SYT7: variants seen among roughly 807,000 people sequenced by gnomAD.
SYT7 encodes synaptotagmin 7.
A neutral mutation model predicts 75.1 loss-of-function variants in SYT7; 29 were observed. That is an observed-to-expected ratio of 0.39 (90% CI 0.29 to 0.53). The LOEUF (loss-of-function observed/expected upper bound fraction) is 0.53, where lower values mean the gene tolerates loss of function less well. SYT7 is among the 20% of genes least tolerant of loss of function. The pLI is 0.77. For synonymous variants in SYT7, 376 were observed against 401.7 expected, an observed-to-expected ratio of 0.94 and a Z score of 0.76; for missense variants, 693 against 953.2, an observed-to-expected ratio of 0.73 and a Z score of 3.59.
upstream of SYT7, among the ~76,000 whole-genome samples, chr11:61,584,404 A>AG (rs2064343374): frequency 6.6e-6 from 1 of 151,594 alleles, no homozygotes; most frequent in Non-Finnish European, 1.5e-5. Context: ...CAAAAAAAAA[A>AG]AAAGGAAAAA....
At position 61,568,413 on chromosome 11, in the gene SYT7, A is replaced by G. The variant is rs2063832953; in HGVS notation, c.32-12206T>C. Among the ~76,000 whole-genome samples, 4 of 152,360 alleles carry G rather than the reference A, an allele frequency of 2.6e-5. No homozygotes were observed. In the South Asian group the frequency reaches 8.3e-4, roughly 32 times the overall value. ...ACAGTAGACATAGCTGGTATGTATC[A>G]TTTATTGAGCACTTACTGTATGCCA... On this transcript the variant is annotated intron_variant, in intron 1 of 12. Coordinates refer to ENST00000539008, the MANE Select transcript of SYT7 (RefSeq NM_001365809.2).
intron 6 of SYT7, 80 bp from the exon 7 acceptor site, chr11:61,538,346 G>GGAGAGAGAGGGAGA: frequency 1.0e-5 from 2 of 198,066 alleles, no homozygotes; most frequent in East Asian, 9.4e-5. Flanking sequence ...GGAGAGAGAG[G>GGAGAGAGAGGGAGA]GAGAGAGAGA....
At position 61,542,099 on chromosome 11, in the gene SYT7, A is replaced by G; in HGVS notation, c.941+112T>C. 7.2e-7 allele frequency: 1 copy of G among 1,384,772 alleles called. No individual in the cohort carries two copies. The highest frequency in any genetic ancestry group is 9.5e-7 in the Non-Finnish European group (1 of 1,052,776). 85.8% of individuals were successfully genotyped at this position (1,384,772 alleles called of 1,614,324 possible). On this transcript the variant is annotated intron_variant, in intron 6 of 12. Coordinates refer to ENST00000539008, the MANE Select transcript of SYT7 (RefSeq NM_001365809.2). This position sits in a 1 kb window ranked among gnomAD's most constrained non-coding sequence, Gnocchi z 7.8. ...TGCCAAGTCTGCTTGGCACCCTGCC[A>G]AGGGGATGGAGGGCCGGGAGGTACA...
Position 61,556,107 on chromosome 11 carries a change from T to G in SYT7, c.132A>C (p.Lys44Asn). 1 of 1,613,502 alleles carries G rather than the reference T, an allele frequency of 6.2e-7. No homozygotes were observed. Among genetic ancestry groups the G allele is most frequent in the Non-Finnish European group, 8.5e-7 (1 of 1,179,744 alleles). Residue 44 changes from lysine (K) to asparagine (N), a missense_variant, in exon 2 of 13, where the codon AAA becomes AAC. By Grantham distance (94) the Lys-to-Asn change is moderately conservative (BLOSUM62 0). This residue lies in a region of SYT7 where 487 missense variants were observed against 593.2 expected (regional missense o/e 0.82). Coordinates refer to ENST00000539008, the MANE Select transcript of SYT7 (RefSeq NM_001365809.2). ...AAGGGGCCCTCAGGAGCCTCACCAG[T>G]TTGCGCTGACACCAGTGGCAGAGGC... ...LCGLCHWCQR[K>N]LGKRYKNSLE...
At position 61,523,727 on chromosome 11, in the gene SYT7, G is replaced by T; in HGVS notation, c.1756+100C>A. The T allele has an allele frequency of 8.0e-7, 1 of 1,247,936 alleles. No homozygotes were observed. The highest frequency in any genetic ancestry group is 1.1e-6 in the Non-Finnish European group (1 of 873,096). The allele number at this position is 1,247,936 out of a possible 1,614,324, so 77.3% of individuals were successfully genotyped here. ...TGGAGGTCGGGGTGTGGCGGGTTGG[G>T]GTGAGGACCACTGCAGACCCTGCTC... On this transcript the variant is annotated intron_variant, in intron 11 of 12. Transcript: ENST00000539008. The surrounding 1 kb of genome is among the most constrained non-coding windows in gnomAD (Gnocchi z 5.0).
At position 61,553,938 on chromosome 11, in the gene SYT7, C is replaced by T. The variant is rs1365696732; in HGVS notation, c.135+2166G>A. Among the ~76,000 whole-genome samples, 2 of 152,038 alleles carry T rather than the reference C, an allele frequency of 1.3e-5. No individual in the cohort carries two copies. The highest frequency in any genetic ancestry group is 6.6e-5 in the Admixed American group (1 of 15,262). ...TGGAGCAAGGAGACAGCCTGATCAA[C>T]GAGCTCCCTGGCTTCTGGAACCCCT... On this transcript the variant is annotated intron_variant, in intron 2 of 12. Transcript: ENST00000539008. The surrounding 1 kb of genome is among the most constrained non-coding windows in gnomAD (Gnocchi z 5.2).
At position 61,517,214 on chromosome 11, in the gene SYT7, G is replaced by A. The variant is rs1413451610; in HGVS notation, c.*1413C>T. 4 of 398,536 alleles carry A rather than the reference G, an allele frequency of 1.0e-5. No homozygotes were observed. The highest frequency in any genetic ancestry group is 8.2e-5 in the African/African-American group (4 of 48,632). The allele number at this position is 398,536 out of a possible 1,614,324, so 24.7% of individuals were successfully genotyped here. A position where few individuals can be genotyped will look rare whatever the true frequency, so the allele number is the denominator to read the frequency against. ...AATACCAGGACCAGCGTGGGGATGA[G>A]AGGGCTTAAGCAGGGATCAGCCTGA... is the stretch of plus-strand genomic sequence containing the variant. On this transcript the variant is annotated 3_prime_UTR_variant, in exon 13 of 13. Transcript: ENST00000539008.
intron 1 of SYT7, among the ~76,000 whole-genome samples, chr11:61,571,320 C>T (rs1031205040): frequency 2.0e-5 from 3 of 152,248 alleles, no homozygotes; most frequent in Admixed American, 1.3e-4. Context: ...CACTCCTGTG[C>T]CTCCACCCAA....
chr11:61,572,600 T>C (rs544116683), intron 1 of SYT7, among the ~76,000 whole-genome samples: 1 of 152,340 alleles, frequency 6.6e-6, no homozygotes, highest in East Asian at 1.9e-4. Flanking sequence ...GATATCTCCC[T>C]TGCAAGACTG....
chr11:61,573,303 T>C (rs1217010821), intron 1 of SYT7, among the ~76,000 whole-genome samples: 1 of 152,176 alleles, frequency 6.6e-6, no homozygotes, highest in African/African-American at 2.4e-5. Context: ...CTTTCTCTGA[T>C]ACCCCAGGCA....
rs147632471 is a variant in SYT7, at chr11:61,514,090, G to A, written c.*4537C>T. On this transcript the variant is annotated 3_prime_UTR_variant, in exon 13 of 13. Transcript: ENST00000539008. Reference sequence around the variant, plus strand: ...GGGGGAGCATCTCAGAGCAGGCATGGACGAAGACAGACCCAGAGAAGCAAA... The same window carrying A: ...GGGGGAGCATCTCAGAGCAGGCATGAACGAAGACAGACCCAGAGAAGCAAA... Among the ~76,000 whole-genome samples, 1 of 152,148 alleles carries A rather than the reference G, an allele frequency of 6.6e-6. No individual in the cohort carries two copies. Among genetic ancestry groups the A allele is most frequent in the African/African-American group, 2.4e-5 (1 of 41,440 alleles).
rs2063192744 is a variant in SYT7, at chr11:61,546,462, C to A, written c.348-207G>T. ...GAGAGAGAGAGAGACATCAGCACTGCAAATGGGTTAACAGCGGAGCCTGCA... is the reference window on the plus strand; with the variant it reads ...GAGAGAGAGAGAGACATCAGCACTGAAAATGGGTTAACAGCGGAGCCTGCA... On this transcript the variant is annotated intron_variant, in intron 4 of 12. Transcript: ENST00000539008. This position sits in a 1 kb window ranked among gnomAD's most constrained non-coding sequence, Gnocchi z 7.6. The A allele has an allele frequency of 3.6e-6, 2 of 551,032 alleles. No homozygotes were observed. Among genetic ancestry groups the A allele is most frequent in the Admixed American group, 3.2e-5 (1 of 31,270 alleles). 34.1% of individuals were successfully genotyped at this position (551,032 alleles called of 1,614,324 possible).
upstream of SYT7, among the ~76,000 whole-genome samples, chr11:61,583,828 G>A (rs1420726701): frequency 6.6e-6 from 1 of 152,216 alleles, no homozygotes; most frequent in East Asian, 1.9e-4. Context: ...ATCTTGGGTA[G>A]TTTTTAAATT....
chr11:61,546,711 T>G lies in SYT7; in HGVS notation c.348-456A>C. The G allele has an allele frequency of 2.2e-6, 1 of 450,786 alleles. No homozygotes were observed. Among genetic ancestry groups the G allele is most frequent in the Non-Finnish European group, 4.4e-6 (1 of 224,920 alleles). The allele number at this position is 450,786 out of a possible 1,614,324, so 27.9% of individuals were successfully genotyped here. A position where few individuals can be genotyped will look rare whatever the true frequency, so the allele number is the denominator to read the frequency against. ...AGGGAGAAAGAGAAAGCCGTGTTAG[T>G]CAGAGTTCATCACCACCACCACCAC... On this transcript the variant is annotated intron_variant, in intron 4 of 12. Coordinates refer to ENST00000539008, the MANE Select transcript of SYT7 (RefSeq NM_001365809.2). The surrounding 1 kb of genome is among the most constrained non-coding windows in gnomAD (Gnocchi z 7.6).
chr11:61,537,686 A>T (rs1184527801), intron 7 of SYT7, among the ~76,000 whole-genome samples: 14 of 152,136 alleles, frequency 9.2e-5, no homozygotes, highest in Admixed American at 9.2e-4. Flanking sequence ...GCAGCCCAAC[A>T]GGACCTCCAG....
chr11:61,551,237 G>C lies in SYT7; in HGVS notation c.215+147C>G. The C allele has an allele frequency of 1.3e-6, 1 of 740,970 alleles. No homozygotes were observed. Among genetic ancestry groups the C allele is most frequent in the Admixed American group, 2.6e-5 (1 of 39,050 alleles). 45.9% of individuals were successfully genotyped at this position (740,970 alleles called of 1,614,324 possible). On this transcript the variant is annotated intron_variant, in intron 3 of 12. Transcript: ENST00000539008. The surrounding 1 kb of genome is among the most constrained non-coding windows in gnomAD (Gnocchi z 5.3). ...AGACGGGGCCCCTGAGTTTTTGGGG[G>C]TGTGTGGAGGGTGTAGAGAGCATGG...
chr11:61,580,666 T>C lies in SYT7; in HGVS notation c.31+124A>G. On this transcript the variant is annotated intron_variant, in intron 1 of 12. Coordinates refer to ENST00000539008, the MANE Select transcript of SYT7 (RefSeq NM_001365809.2). The surrounding 1 kb of genome is among the most constrained non-coding windows in gnomAD (Gnocchi z 6.1). ...GCGCCCCCGGGGCTGGGATGACCCC[T>C]GGGGGAGCCCGTGCGGCTCCGGGCG... 1.7e-6 allele frequency: 1 copy of C among 596,968 alleles called. No individual in the cohort carries two copies. Among genetic ancestry groups the C allele is most frequent in the Non-Finnish European group, 2.4e-6 (1 of 423,606 alleles). The allele number at this position is 596,968 out of a possible 1,614,324, so 37.0% of individuals were successfully genotyped here. A position where few individuals can be genotyped will look rare whatever the true frequency, so the allele number is the denominator to read the frequency against.
At chr11:61,534,465 ATATG>A (rs1429313368) in intron 7 of SYT7, among the ~76,000 whole-genome samples, 7 of 150,806 alleles carry the variant, frequency 4.6e-5, no homozygotes, top group African/African-American at 1.7e-4. Flanking sequence ...ACGTGCGTGC[ATATG>A]TACACACACA....
Position 61,562,664 on chromosome 11 carries a change from A to C in SYT7, c.32-6457T>G, listed in dbSNP as rs533034038. ...ATTACTCAATTTTGTGCACCCCTGAACCCTCCCAGGACCTGCAGGGCTTGA... is the reference window on the plus strand; with the variant it reads ...ATTACTCAATTTTGTGCACCCCTGACCCCTCCCAGGACCTGCAGGGCTTGA... On this transcript the variant is annotated intron_variant, in intron 1 of 12. Transcript: ENST00000539008. Among the ~76,000 whole-genome samples, 3 of 152,174 alleles carry C rather than the reference A, an allele frequency of 2.0e-5. No homozygotes were observed. In the South Asian group the frequency reaches 6.2e-4, roughly 32 times the overall value.
Sources: gnomAD v4.1 joint callset for allele counts (sites outside exome capture counted in the v4.1 genomes callset) on GRCh38, gnomAD v4.1.1 for gene constraint, gnomAD v4.1.1 regional missense constraint, Gnocchi (gnomAD v3.1) non-coding constraint, MANE v1.5 for transcripts, NCBI Gene and HGNC (gene_info 2026-07-23, HGNC 2026-07-21) for gene names.